CPNE4: variants seen among roughly 807,000 people sequenced by gnomAD.
The protein encoded by CPNE4 is copine-4.
CPNE4 carries 25 observed loss-of-function variants against 67.9 expected under a neutral mutation model. The observed-to-expected ratio is 0.37, with a 90% confidence interval of 0.27 to 0.51. The LOEUF (loss-of-function observed/expected upper bound fraction) is 0.51. CPNE4 is among the 20% of genes least tolerant of loss of function. CPNE4 has a pLI of 0.93. For synonymous variants in CPNE4, 242 were observed against 244.9 expected (o/e 0.99, Z 0.11); for missense variants, 464 against 690.8 (o/e 0.67, Z 3.68).
At chr3:131,946,120 C>G (rs1477612270) in intron 1 of CPNE4, among the ~76,000 whole-genome samples, 1 of 152,180 alleles carries the variant, frequency 6.6e-6, no homozygotes, top group Non-Finnish European at 1.5e-5. Flanking sequence ...TATCTAGTTC[C>G]AAAGCATTTC....
At chr3:132,036,878 A>G (rs1318639821), upstream of CPNE4, among the ~76,000 whole-genome samples, 3 of 152,224 alleles carry the variant, frequency 2.0e-5, no homozygotes, top group Non-Finnish European at 4.4e-5. Flanking sequence ...CTGAGCATGT[A>G]CTATTTCCAG....
intron 2 of CPNE4, among the ~76,000 whole-genome samples, chr3:131,814,314 A>G (rs977721472): frequency 6.6e-6 from 1 of 152,074 alleles, no homozygotes; most frequent in Non-Finnish European, 1.5e-5. Flanking sequence ...AGCAGCCACT[A>G]TCTCGAACAT....
At chr3:131,582,935 T>G (rs1937935976) in intron 8 of CPNE4, among the ~76,000 whole-genome samples, 1 of 152,080 alleles carries the variant, frequency 6.6e-6, no homozygotes, top group African/African-American at 2.4e-5. Flanking sequence ...GAGTACATAG[T>G]GATTGTTGTT....
At chr3:131,595,188 A>G (rs1938770980) in intron 7 of CPNE4, among the ~76,000 whole-genome samples, 2 of 152,234 alleles carry the variant, frequency 1.3e-5, no homozygotes, top group African/African-American at 4.8e-5. Context: ...TAGAATTACC[A>G]TATGATTCAG....
intron 9 of CPNE4, among the ~76,000 whole-genome samples, chr3:131,579,059 A>C (rs115435915): frequency 6.6e-6 from 1 of 152,188 alleles, no homozygotes; most frequent in Non-Finnish European, 1.5e-5. Context: ...GGCTAGAGAG[A>C]AGAAGTCACT....
At chr3:131,780,740 A>C (rs918525949) in intron 2 of CPNE4, among the ~76,000 whole-genome samples, 2 of 152,088 alleles carry the variant, frequency 1.3e-5, no homozygotes, top group African/African-American at 4.8e-5. Context: ...CCTGAGTGAC[A>C]AAATTACCTG....
chr3:131,715,429 A>G (rs1378995624), intron 3 of CPNE4, among the ~76,000 whole-genome samples: 1 of 152,224 alleles, frequency 6.6e-6, no homozygotes, highest in African/African-American at 2.4e-5. Flanking sequence ...CATTTATACT[A>G]GTTAGTGACA....
intron 8 of CPNE4, 50 bp downstream of exon 8, chr3:131,587,434 G>A (rs781267970): frequency 8.8e-7 from 1 of 1,136,174 alleles, no homozygotes; most frequent in South Asian, 1.2e-5. Context: ...TGTGTTCTAA[G>A]GATGCATCAT....
intron 2 of CPNE4, among the ~76,000 whole-genome samples, chr3:131,745,409 G>A (rs1238291671): frequency 6.6e-6 from 1 of 151,952 alleles, no homozygotes; most frequent in South Asian, 2.1e-4. Context: ...GCAGACCAAA[G>A]CTTTACATTT....
At chr3:131,894,564 G>A (rs2088246610) in intron 2 of CPNE4, among the ~76,000 whole-genome samples, 1 of 151,600 alleles carries the variant, frequency 6.6e-6, no homozygotes, top group Non-Finnish European at 1.5e-5. Flanking sequence ...GACTTAAATA[G>A]ACATTTCTCA....
At chr3:131,797,060 T>C (rs80009779) in intron 2 of CPNE4, among the ~76,000 whole-genome samples, 3,266 of 152,306 alleles carry the variant, frequency 0.021, 72 homozygotes, top group Middle Eastern at 0.065. Context: ...CCATGCTGTA[T>C]AAACTCCATA....
chr3:131,893,234 A>G (rs2088186057), intron 2 of CPNE4, among the ~76,000 whole-genome samples: 1 of 136,700 alleles, frequency 7.3e-6, no homozygotes, highest in Non-Finnish European at 1.5e-5. Context: ...AGAGACAAAG[A>G]AGAGCGTTAT....
chr3:131,721,377 A>G (rs945585033), intron 3 of CPNE4, among the ~76,000 whole-genome samples: 26 of 145,426 alleles, frequency 1.8e-4, no homozygotes, highest in Non-Finnish European at 3.0e-4. Flanking sequence ...TTTAGTCCAC[A>G]TGATTCCCAC....
At chr3:131,784,712 G>C (rs1278281239) in intron 2 of CPNE4, among the ~76,000 whole-genome samples, 1 of 152,020 alleles carries the variant, frequency 6.6e-6, no homozygotes, top group Non-Finnish European at 1.5e-5. Flanking sequence ...TTTCTTCCCT[G>C]TCTCACTTTC....
chr3:131,675,439 G>T (rs1182134898), intron 6 of CPNE4, among the ~76,000 whole-genome samples: 2 of 151,946 alleles, frequency 1.3e-5, no homozygotes, highest in African/African-American at 4.8e-5. Context: ...TTGTATTGAG[G>T]TCTATCTCTC....
intron 2 of CPNE4, among the ~76,000 whole-genome samples, chr3:131,776,186 C>T (rs1191021472): frequency 1.4e-5 from 2 of 146,850 alleles, no homozygotes; most frequent in Admixed American, 6.9e-5. Flanking sequence ...CCTCTCAAAC[C>T]AATGAAGCAT....
intron 2 of CPNE4, among the ~76,000 whole-genome samples, chr3:131,846,616 AATTT>A (rs2086007020): frequency 6.6e-6 from 1 of 152,208 alleles, no homozygotes; most frequent in Admixed American, 6.5e-5. Context: ...AATCAGACAG[AATTT>A]ATTAGAAATA....
At chr3:131,713,292 T>C (rs577657791) in intron 3 of CPNE4, among the ~76,000 whole-genome samples, 2 of 152,340 alleles carry the variant, frequency 1.3e-5, no homozygotes, top group South Asian at 4.1e-4. Flanking sequence ...CATCTTTTTA[T>C]AACTATCTTT....
intron 6 of CPNE4, among the ~76,000 whole-genome samples, chr3:131,671,084 G>A (rs1582995513): frequency 6.6e-6 from 1 of 152,130 alleles, no homozygotes; most frequent in African/African-American, 2.4e-5. Context: ...CACAGCACCC[G>A]ACCTAGAATT....
Sources: allele counts gnomAD v4.1 joint callset (sites outside exome capture counted in the v4.1 genomes callset), GRCh38; gene constraint gnomAD v4.1.1; transcripts MANE v1.5; gene names NCBI Gene and HGNC (gene_info 2026-07-23, HGNC 2026-07-21).